WDR27: variants seen among roughly 807,000 people sequenced by gnomAD.
WDR27 encodes WD repeat domain 27.
WDR27 carries 100 observed loss-of-function variants against 114.4 expected under a neutral mutation model. The ratio of observed to expected loss-of-function variants is 0.87; its 90% CI spans 0.74 to 1.03. The LOEUF is 1.03. Ranked by LOEUF, WDR27 falls within the 50% of genes least tolerant of loss-of-function variation. WDR27 has a pLI of 0.00. For missense variants in WDR27, 1,129 were observed against 1,092.9 expected (o/e 1.03, Z -0.47); for synonymous variants, 449 against 423.1 (o/e 1.06, Z -0.75).
intron 25 of WDR27, among the ~76,000 whole-genome samples, chr6:169,499,253 C>T (rs566663281): frequency 1.3e-5 from 2 of 152,312 alleles, no homozygotes; most frequent in South Asian, 4.1e-4. Flanking sequence ...GCGTCAGCAC[C>T]GAGGGTGCAC....
intron 6 of WDR27, 63 bp downstream of exon 6, chr6:169,667,073 T>C: frequency 6.9e-7 from 1 of 1,439,538 alleles, no homozygotes; most frequent in Non-Finnish European, 9.1e-7. Context: ...CCCTGTAATA[T>C]GCTCTAGAAA....
intron 25 of WDR27, among the ~76,000 whole-genome samples, chr6:169,464,498 A>G (rs1785295800): frequency 6.6e-6 from 1 of 152,240 alleles, no homozygotes; most frequent in Non-Finnish European, 1.5e-5. Context: ...TATGACAACA[A>G]AGGCCCAGGC....
downstream of WDR27, among the ~76,000 whole-genome samples, chr6:169,454,752 C>T (rs916408054): frequency 7.2e-5 from 11 of 152,212 alleles, no homozygotes; most frequent in African/African-American, 2.4e-4. Context: ...CATCTTATCA[C>T]GCAAGCACCA....
chr6:169,582,986 C>T, intron 23 of WDR27, 52 bp from the exon 24 acceptor site: 5 of 1,543,786 alleles, frequency 3.2e-6, no homozygotes, highest in African/African-American at 1.4e-5. Context: ...TCAGGAATCA[C>T]CTGTAAGCTA....
the WDR27 span, among the ~76,000 whole-genome samples, chr6:169,447,488 T>A: frequency 5.3e-5 from 8 of 152,352 alleles, 1 homozygote; most frequent in African/African-American, 1.9e-4. Context: ...ACGACTTGGA[T>A]TTCAACAACC....
At chr6:169,545,393 T>G (rs115171992) in intron 25 of WDR27, among the ~76,000 whole-genome samples, 3 of 152,170 alleles carry the variant, frequency 2.0e-5, no homozygotes, top group Middle Eastern at 3.2e-3. Flanking sequence ...AAAGGAAAAG[T>G]TGATAAATTA....
At chr6:169,431,332 G>C in the WDR27 span, among the ~76,000 whole-genome samples, 2 of 151,990 alleles carry the variant, frequency 1.3e-5, no homozygotes, top group Admixed American at 6.5e-5. Flanking sequence ...ATTTGACTTT[G>C]ACATTCTTGG....
chr6:169,512,357 TTTAAG>T (rs1173325075), intron 25 of WDR27, among the ~76,000 whole-genome samples: 1 of 152,186 alleles, frequency 6.6e-6, no homozygotes, highest in East Asian at 1.9e-4. Context: ...CTAAGTGTAA[TTTAAG>T]TTGATTCCTA....
At chr6:169,580,045 C>T (rs1216666313) in intron 24 of WDR27, among the ~76,000 whole-genome samples, 2 of 152,224 alleles carry the variant, frequency 1.3e-5, no homozygotes, top group African/African-American at 4.8e-5. Context: ...TTCACAGCTC[C>T]AGCATTCTCT....
intron 25 of WDR27, among the ~76,000 whole-genome samples, chr6:169,498,383 T>G (rs1790677886): frequency 6.6e-6 from 1 of 152,160 alleles, no homozygotes; most frequent in Non-Finnish European, 1.5e-5. Context: ...TACACTAACA[T>G]GATGAATGCA....
At chr6:169,577,228 A>G (rs975390838) in intron 24 of WDR27, among the ~76,000 whole-genome samples, 2 of 152,154 alleles carry the variant, frequency 1.3e-5, no homozygotes, top group African/African-American at 4.8e-5. Context: ...CTGCGAGGGC[A>G]CCAGGGGCAA....
intron 25 of WDR27, among the ~76,000 whole-genome samples, chr6:169,509,166 G>A (rs1176562274): frequency 6.6e-6 from 1 of 152,152 alleles, no homozygotes; most frequent in Non-Finnish European, 1.5e-5. Flanking sequence ...CATGCTCACG[G>A]GTAGGAAGAA....
the WDR27 span, among the ~76,000 whole-genome samples, chr6:169,433,441 T>C: frequency 6.6e-6 from 1 of 152,234 alleles, no homozygotes; most frequent in Non-Finnish European, 1.5e-5. Flanking sequence ...TATGGCTGCA[T>C]AGTATTCCAT....
chr6:169,660,250 T>C (rs1435438350), intron 10 of WDR27, among the ~76,000 whole-genome samples: 1 of 151,810 alleles, frequency 6.6e-6, no homozygotes, highest in East Asian at 1.9e-4. Flanking sequence ...TGGCAGAAAC[T>C]GGGGAAGGGA....
At chr6:169,486,842 A>C (rs1277892329) in intron 25 of WDR27, among the ~76,000 whole-genome samples, 1 of 152,240 alleles carries the variant, frequency 6.6e-6, no homozygotes, top group Non-Finnish European at 1.5e-5. Context: ...ACAGGCACTG[A>C]GACCAGTTTC....
At chr6:169,645,355 G>A (rs1261444839) in intron 16 of WDR27, among the ~76,000 whole-genome samples, 4 of 151,782 alleles carry the variant, frequency 2.6e-5, no homozygotes, top group South Asian at 4.2e-4. Context: ...TAGTTCACAC[G>A]AGTTACGCTG....
rs1445683755 is a variant in WDR27, at chr6:169,619,718, G to A, written c.2224-6062C>T. ...GTTCAGTTTAAGATAAAAGACTGTG[G>A]AGACCAAGGTTCTTTTGAAGCCTCA... On this transcript the variant is annotated intron_variant, in intron 21 of 25. Coordinates refer to ENST00000448612, the MANE Select transcript of WDR27 (RefSeq NM_182552.5). 2.0e-5 allele frequency among the ~76,000 whole-genome samples: 3 copies of A among 152,308 alleles called. No homozygotes were observed. The East Asian group carries it at 5.8e-4, about 29-fold the overall frequency.
chr6:169,427,964 G>A, the WDR27 span, among the ~76,000 whole-genome samples: 1 of 152,132 alleles, frequency 6.6e-6, no homozygotes, highest in Admixed American at 6.5e-5. Context: ...TCAGCGGGAG[G>A]GGAGGAGGCG....
At chr6:169,673,364 T>C (rs570083487) in intron 2 of WDR27, among the ~76,000 whole-genome samples, 1 of 152,004 alleles carries the variant, frequency 6.6e-6, no homozygotes, top group South Asian at 2.1e-4. Context: ...TTAGTACCAA[T>C]CCTACTGATG....
Sources: allele counts gnomAD v4.1 joint callset (sites outside exome capture counted in the v4.1 genomes callset), GRCh38; gene constraint gnomAD v4.1.1; transcripts MANE v1.5; gene names NCBI Gene and HGNC (gene_info 2026-07-23, HGNC 2026-07-21).